Variants in SUGCT observed in about 807,000 individuals in gnomAD.
SUGCT encodes succinyl-CoA:glutarate-CoA transferase, also known as succinyl-CoA:glutarate CoA-transferase.
Under a neutral mutation model 55.0 loss-of-function variants are expected in SUGCT, and 41 were observed. The ratio of observed to expected loss-of-function variants is 0.74; its 90% CI spans 0.58 to 0.97. The LOEUF (loss-of-function observed/expected upper bound fraction) is 0.97. Ranked by LOEUF, SUGCT falls within the 50% of genes least tolerant of loss-of-function variation. The pLI, the probability that SUGCT is intolerant of heterozygous loss-of-function variation, is 0.00. For synonymous variants in SUGCT, 187 were observed against 200.4 expected, an observed-to-expected ratio of 0.93 and a Z score of 0.56; for missense variants, 568 against 547.8, an observed-to-expected ratio of 1.04 and a Z score of -0.37.
At chr7:40,968,982 A>C in the SUGCT span, among the ~76,000 whole-genome samples, 1 of 152,220 alleles carries the variant, frequency 6.6e-6, no homozygotes, top group East Asian at 1.9e-4. Context: ...CCCACCCAGA[A>C]GCCCCTGAGG....
chr7:40,590,243 C>T (rs1395418534), intron 12 of SUGCT, among the ~76,000 whole-genome samples: 1 of 152,144 alleles, frequency 6.6e-6, no homozygotes, highest in Non-Finnish European at 1.5e-5. Context: ...TTGGGCCTTC[C>T]TATTTCCTGA....
chr7:40,638,360 A>T (rs1191293245), intron 12 of SUGCT, among the ~76,000 whole-genome samples: 1 of 152,178 alleles, frequency 6.6e-6, no homozygotes, highest in Non-Finnish European at 1.5e-5. Context: ...TTCCTTGATG[A>T]AAGAGAGTAG....
intron 12 of SUGCT, among the ~76,000 whole-genome samples, chr7:40,748,129 A>G (rs1787823845): frequency 6.6e-6 from 1 of 152,114 alleles, no homozygotes; most frequent in African/African-American, 2.4e-5. Context: ...GGGACACTAG[A>G]TACCTATCTC....
intron 13 of SUGCT, among the ~76,000 whole-genome samples, chr7:40,828,573 CA>C (rs749026470): frequency 1.2e-5 from 1 of 81,342 alleles, no homozygotes. Context: ...TGACTTGCTA[CA>C]GTAAAAAAAA....
intron 12 of SUGCT, among the ~76,000 whole-genome samples, chr7:40,626,347 C>T (rs569522299): frequency 6.6e-6 from 1 of 151,826 alleles, no homozygotes; most frequent in African/African-American, 2.4e-5. Context: ...ACCTCCGCCT[C>T]CCAGGTTCAA....
the SUGCT span, among the ~76,000 whole-genome samples, chr7:41,035,412 T>C: frequency 6.6e-6 from 1 of 152,110 alleles, no homozygotes; most frequent in African/African-American, 2.4e-5. Flanking sequence ...AAATATCACT[T>C]GGGAGTGCAT....
chr7:40,151,843 T>C (rs1206318400), intron 1 of SUGCT: 1 of 152,240 alleles, frequency 6.6e-6, no homozygotes, highest in African/African-American at 2.4e-5. Flanking sequence ...CAGTTTCCCT[T>C]AAAATTTGGA....
chr7:40,315,393 T>A (rs1045868875), intron 8 of SUGCT, among the ~76,000 whole-genome samples: 2 of 152,226 alleles, frequency 1.3e-5, no homozygotes, highest in Admixed American at 1.3e-4. Context: ...CCTGGAATGC[T>A]CCATGGTTCA....
At chr7:40,376,377 C>A (rs542861404) in intron 9 of SUGCT, among the ~76,000 whole-genome samples, 1 of 151,282 alleles carries the variant, frequency 6.6e-6, no homozygotes, top group African/African-American at 2.4e-5. Flanking sequence ...CAATTTTTAT[C>A]TAATGTATCT....
At position 40,601,628 on chromosome 7, in the gene SUGCT, T is replaced by G. The variant is rs1173533671; in HGVS notation, c.1089+105242T>G. The stretch of plus-strand genomic sequence containing the variant: ...AACAGCAGCTCTGCATGAGAAAGCC[T>G]AAGCCTCTAAGACAAGCTTGTCCAA... On this transcript the variant is annotated intron_variant, in intron 12 of 13. Transcript: ENST00000335693. Among the ~76,000 whole-genome samples, 3 of 152,274 alleles carry G rather than the reference T, an allele frequency of 2.0e-5. No individual in the cohort carries two copies. The East Asian group carries it at 5.8e-4, about 29-fold the overall frequency.
the SUGCT span, among the ~76,000 whole-genome samples, chr7:41,023,477 A>G: frequency 6.6e-6 from 1 of 152,148 alleles, no homozygotes. Flanking sequence ...AAATAAAGAA[A>G]AAATAAAAAT....
chr7:40,164,378 T>TA (rs1784324617), intron 1 of SUGCT, among the ~76,000 whole-genome samples: 1 of 152,192 alleles, frequency 6.6e-6, no homozygotes. Context: ...TCTGCCTGCC[T>TA]TGGCCTCCCA....
At chr7:41,025,014 A>C in the SUGCT span, among the ~76,000 whole-genome samples, 1 of 152,250 alleles carries the variant, frequency 6.6e-6, no homozygotes, top group Non-Finnish European at 1.5e-5. Context: ...ATCAACATAC[A>C]TACTCTGTAA....
intron 13 of SUGCT, among the ~76,000 whole-genome samples, chr7:40,793,494 C>T (rs1790412351): frequency 6.6e-6 from 1 of 152,114 alleles, no homozygotes; most frequent in Non-Finnish European, 1.5e-5. Flanking sequence ...ACTGTTGTTA[C>T]TTCATAGGTA....
At chr7:40,374,223 T>C (rs1412478747) in intron 9 of SUGCT, among the ~76,000 whole-genome samples, 3 of 152,168 alleles carry the variant, frequency 2.0e-5, no homozygotes, top group African/African-American at 7.2e-5. Context: ...GGAATGAAGA[T>C]GAAAAAAATC....
At chr7:40,475,530 C>CT (rs1051736378) in intron 11 of SUGCT, among the ~76,000 whole-genome samples, 1 of 152,146 alleles carries the variant, frequency 6.6e-6, no homozygotes, top group African/African-American at 2.4e-5. Context: ...GCATTATTTG[C>CT]TTTAAGGAAA....
chr7:40,956,897 G>A, the SUGCT span, among the ~76,000 whole-genome samples: 1 of 152,098 alleles, frequency 6.6e-6, no homozygotes, highest in Non-Finnish European at 1.5e-5. Context: ...TTCAGGAGCA[G>A]GTTGTTCAGT....
At chr7:40,602,604 T>G (rs1007795529) in intron 12 of SUGCT, among the ~76,000 whole-genome samples, 2 of 152,174 alleles carry the variant, frequency 1.3e-5, no homozygotes, top group Admixed American at 1.3e-4. Flanking sequence ...ACATCCTGCT[T>G]TCATGAGAAC....
At chr7:40,552,865 G>A (rs1795373173) in intron 12 of SUGCT, among the ~76,000 whole-genome samples, 1 of 151,066 alleles carries the variant, frequency 6.6e-6, no homozygotes, top group Admixed American at 6.6e-5. Context: ...CAGGATTGGA[G>A]AAATCCTGAT....
Sources: gnomAD v4.1 joint callset for allele counts (sites outside exome capture counted in the v4.1 genomes callset) on GRCh38, gnomAD v4.1.1 for gene constraint, MANE v1.5 for transcripts, NCBI Gene and HGNC (gene_info 2026-07-23, HGNC 2026-07-21) for gene names.